KANK1: variants seen among roughly 807,000 people sequenced by gnomAD.
KANK1 encodes KN motif and ankyrin repeat domains 1, also known as KN motif and ankyrin repeat domain-containing protein 1.
In KANK1, 109 loss-of-function variants were observed where a neutral mutation model predicts 106.2. The observed-to-expected ratio is 1.03, with a 90% CI of 0.88 to 1.20. The LOEUF is 1.20. Among genes scored for constraint, KANK1 ranks in the 50% most tolerant of loss-of-function variants. KANK1 has a pLI of 0.00. For missense variants in KANK1, 2,399 were observed against 1,710.7 expected (o/e 1.40, Z -7.10); for synonymous variants, 873 against 652.2 (o/e 1.34, Z -5.16).
intron 1 of KANK1, among the ~76,000 whole-genome samples, chr9:602,495 T>G (rs1204847112): frequency 1.3e-5 from 2 of 151,664 alleles, no homozygotes; most frequent in Non-Finnish European, 2.9e-5. Context: ...CTTGACCTCA[T>G]GATCCGCCTG....
At chr9:540,339 A>T (rs1220232282) in intron 1 of KANK1, among the ~76,000 whole-genome samples, 4 of 152,178 alleles carry the variant, frequency 2.6e-5, no homozygotes, top group Admixed American at 2.6e-4. Context: ...GTTAATTTTA[A>T]TTAATTTGCA....
At chr9:731,600 C>T in intron 5 of KANK1, 1 of 161,912 alleles carries the variant, frequency 6.2e-6, no homozygotes, top group Non-Finnish European at 1.3e-5. Flanking sequence ...CACAATTGAG[C>T]AGAAAAAGAC....
At chr9:611,811 C>T (rs1483781319) in intron 1 of KANK1, among the ~76,000 whole-genome samples, 4 of 152,160 alleles carry the variant, frequency 2.6e-5, no homozygotes, top group East Asian at 3.9e-4. Context: ...CTCCGCCTCC[C>T]GGGTTCAACC....
chr9:712,831 G>A lies in KANK1; in HGVS notation c.2065G>A (p.Ala689Thr). ...QVHQFTNTET[A>T]TLIESCTNTC... ...GCACCAGTTCACCAACACCGAGACGGCCACCCTCATAGAGTCCTGCACCAA... is the reference window on the plus strand; with the variant it reads ...GCACCAGTTCACCAACACCGAGACGACCACCCTCATAGAGTCCTGCACCAA... Residue 689 changes from alanine to threonine, a missense_variant, in exon 3 of 12, where the codon GCC (alanine) becomes ACC (threonine). Ala to Thr is a moderately conservative substitution (Grantham distance 58). Transcript: ENST00000382297. 3.7e-6 allele frequency: 6 copies of A among 1,613,850 alleles called. No individual in the cohort carries two copies. The highest frequency in any genetic ancestry group is 5.1e-6 in the Non-Finnish European group (6 of 1,179,944).
chr9:558,042 A>G lies in KANK1; in HGVS notation c.-84+53288A>G, dbSNP rs149893102. On this transcript the variant is annotated intron_variant, in intron 1 of 11. Transcript: ENST00000382297. ...CAAACCTATACGAACAATGGTAGGA[A>G]TGTCAAGGAACCCAGGAGTGAAGAT... Among the ~76,000 whole-genome samples the G allele has an allele frequency of 3.4e-3, 517 of 152,330 alleles. 2 individuals carry two copies. The highest frequency in any genetic ancestry group is 0.024 in the Middle Eastern group (7 of 294).
intron 2 of KANK1, among the ~76,000 whole-genome samples, chr9:710,492 C>G (rs1362741035): frequency 1.3e-5 from 2 of 151,806 alleles, no homozygotes; most frequent in African/African-American, 4.8e-5. Context: ...GTGGTGCACC[C>G]CTGTAATCCC....
chr9:618,680 A>G (rs922531329), intron 1 of KANK1, among the ~76,000 whole-genome samples: 1 of 152,140 alleles, frequency 6.6e-6, no homozygotes, highest in African/African-American at 2.4e-5. Flanking sequence ...ATTTTTTTAA[A>G]TGATGATGAA....
chr9:595,276 G>A (rs536343111), intron 1 of KANK1, among the ~76,000 whole-genome samples: 1 of 151,880 alleles, frequency 6.6e-6, no homozygotes, highest in South Asian at 2.1e-4. Context: ...ATTGGTACCT[G>A]TTGAGAGAAG....
intron 3 of KANK1, among the ~76,000 whole-genome samples, chr9:485,698 C>T (rs2058280259): frequency 6.6e-6 from 1 of 152,022 alleles, no homozygotes; most frequent in Non-Finnish European, 1.5e-5. Flanking sequence ...CATGGTGGAA[C>T]CTCATCTCTA....
Position 727,679 on chromosome 9 carries a change from C to CGTGTGT in KANK1, c.2699-2372_2699-2371insGTGTGT, listed in dbSNP as rs1564092313. On this transcript the variant is annotated intron_variant, in intron 3 of 11. Coordinates refer to ENST00000382297, the MANE Select transcript of KANK1 (RefSeq NM_015158.5). The stretch of plus-strand genomic sequence containing the variant: ...TTTAGCACAGAGTCAGATAACTTTT[C>CGTGTGT]ATGTGTGTGTGTGTGTGTGTGTGTG... Among the ~76,000 whole-genome samples, 227 of 121,904 alleles carry CGTGTGT rather than the reference C, an allele frequency of 1.9e-3. 2 individuals carry two copies. The highest frequency in any genetic ancestry group is 0.014 in the East Asian group (57 of 4,068). 80.0% of individuals were successfully genotyped at this position (121,904 alleles called of 152,430 possible).
At chr9:548,267 T>G (rs1341320971) in intron 1 of KANK1, among the ~76,000 whole-genome samples, 1 of 152,176 alleles carries the variant, frequency 6.6e-6, no homozygotes, top group Non-Finnish European at 1.5e-5. Context: ...TACAAAAGAT[T>G]TTTCTCACTT....
chr9:686,884 T>C, intron 2 of KANK1: 1 of 985,176 alleles, frequency 1.0e-6, no homozygotes, highest in African/African-American at 1.7e-5. Context: ...ACACTGATTG[T>C]AAATGAAGAA....
chr9:527,913 C>T (rs879454568), intron 1 of KANK1, among the ~76,000 whole-genome samples: 18 of 148,346 alleles, frequency 1.2e-4, no homozygotes, highest in Non-Finnish European at 2.5e-4. Flanking sequence ...CTCCTGATCA[C>T]AAGGTCAGGA....
In KANK1 at chr9:606,552, G is replaced by C. The variant is rs1220067598; in HGVS notation, c.-83-70338G>C. Among the ~76,000 whole-genome samples, 5 of 136,046 alleles carry C rather than the reference G, an allele frequency of 3.7e-5. No homozygotes were observed. The East Asian group carries it at 9.7e-4, about 26-fold the overall frequency. 89.3% of individuals were successfully genotyped at this position (136,046 alleles called of 152,430 possible). On this transcript the variant is annotated intron_variant, in intron 1 of 11. Transcript: ENST00000382297. Reference sequence around the variant, plus strand: ...GTCTGGGCAACAACAGCAAAACTCTGTCTCAGAAAAAAAATATATGTGTGT... The same window carrying C: ...GTCTGGGCAACAACAGCAAAACTCTCTCTCAGAAAAAAAATATATGTGTGT...
intron 1 of KANK1, among the ~76,000 whole-genome samples, chr9:610,734 G>C (rs1342038462): frequency 6.6e-6 from 1 of 152,162 alleles, no homozygotes; most frequent in Non-Finnish European, 1.5e-5. Flanking sequence ...GCCTTGGAAA[G>C]CTCGGAGGGT....
At position 712,996 on chromosome 9, in the gene KANK1, G is replaced by C; in HGVS notation, c.2230G>C (p.Gly744Arg). The change falls in exon 3 of 12, where the codon GGC (glycine) becomes CGC (arginine). Residue 744 changes from glycine to arginine, a missense_variant. Coordinates refer to ENST00000382297, the MANE Select transcript of KANK1 (RefSeq NM_015158.5). Reference protein sequence around the residue: ...RSIGVGTLLSGHSGFDRPSAV... With the variant: ...RSIGVGTLLSRHSGFDRPSAV... ...CATTGGTGTTGGAACGTTGCTTTCT[G>C]GCCATTCTGGGTTTGACAGGCCATC... is the stretch of plus-strand genomic sequence containing the variant. 2.5e-6 allele frequency: 4 copies of C among 1,614,172 alleles called. No homozygotes were observed. Among genetic ancestry groups the C allele is most frequent in the Middle Eastern group, 3.3e-4 (2 of 6,062 alleles).
At chr9:690,467 A>G (rs566051841) in intron 2 of KANK1, among the ~76,000 whole-genome samples, 32 of 152,242 alleles carry the variant, frequency 2.1e-4, no homozygotes, top group Admixed American at 1.9e-3. Context: ...GGCTGAAGTA[A>G]TCATACCTTG....
At chr9:637,228 C>G (rs1039175578) in intron 1 of KANK1, among the ~76,000 whole-genome samples, 2 of 152,166 alleles carry the variant, frequency 1.3e-5, no homozygotes, top group Non-Finnish European at 2.9e-5. Context: ...CAAACACTAC[C>G]AAGTAGTCTC....
intron 1 of KANK1, among the ~76,000 whole-genome samples, chr9:557,274 T>C (rs962483784): frequency 3.3e-5 from 5 of 152,198 alleles, no homozygotes; most frequent in African/African-American, 1.2e-4. Context: ...GTTTTGGTTT[T>C]GCTTTAAGAT....
Sources: allele counts gnomAD v4.1 joint callset (sites outside exome capture counted in the v4.1 genomes callset), GRCh38; gene constraint gnomAD v4.1.1; transcripts MANE v1.5; gene names NCBI Gene and HGNC (gene_info 2026-07-23, HGNC 2026-07-21).